Variants in KIF13B observed in about 807,000 individuals in gnomAD.
KIF13B encodes kinesin-like protein KIF13B.
A neutral mutation model predicts 222.0 loss-of-function variants in KIF13B; 127 were observed. That is an observed-to-expected ratio of 0.57 (90% CI 0.50 to 0.66). The LOEUF is 0.66. Ranked by LOEUF, KIF13B falls within the 30% of genes least tolerant of loss-of-function variation. The probability of loss-of-function intolerance (pLI) is 0.00; values close to 1 mark genes in which losing one functional copy is unlikely to be tolerated. For missense variants in KIF13B, 2,173 were observed against 2,379.0 expected, an observed-to-expected ratio of 0.91 and a Z score of 1.80; for synonymous variants, 976 against 919.0, an observed-to-expected ratio of 1.06 and a Z score of -1.12.
chr8:29,070,345 A>G lies in KIF13B; in HGVS notation c.*159T>C, dbSNP rs973963127. The stretch of plus-strand genomic sequence containing the variant: ...CGGGTACAGAAGAAACAAAGCTTCC[A>G]GAGGCCCAGGGAGGTCACCAGCCCT... On this transcript the variant is annotated 3_prime_UTR_variant, in exon 40 of 40. Coordinates refer to ENST00000524189, the MANE Select transcript of KIF13B (RefSeq NM_015254.4). This position sits in a 1 kb window ranked among gnomAD's most constrained non-coding sequence, Gnocchi z 4.1. 2.7e-6 allele frequency: 2 copies of G among 731,542 alleles called. No homozygotes were observed. The highest frequency in any genetic ancestry group is 4.4e-6 in the Non-Finnish European group (2 of 456,566). 45.3% of individuals were successfully genotyped at this position (731,542 alleles called of 1,614,324 possible). A position where few individuals can be genotyped will look rare whatever the true frequency, so the allele number is the denominator to read the frequency against.
chr8:29,250,231 A>G (rs1816221597), intron 1 of KIF13B: 2 of 344,862 alleles, frequency 5.8e-6, no homozygotes, highest in African/African-American at 4.3e-5. Context: ...ATACATCTAG[A>G]ACGCAGGCCT....
At chr8:29,175,021 C>A (rs1334286817) in intron 10 of KIF13B, among the ~76,000 whole-genome samples, 2 of 151,918 alleles carry the variant, frequency 1.3e-5, no homozygotes, top group East Asian at 3.9e-4. Context: ...TATTTTCAAC[C>A]CCTAATGCAA....
Position 29,233,513 on chromosome 8 carries a change from G to A in KIF13B, c.149+11833C>T, listed in dbSNP as rs143124610. Reference sequence around the variant, plus strand: ...AAATGTTATAATGTTCTAAAATTGCGGTGAGTACCTCAAACAATTTTAATT... The same window carrying A: ...AAATGTTATAATGTTCTAAAATTGCAGTGAGTACCTCAAACAATTTTAATT... On this transcript the variant is annotated intron_variant, in intron 2 of 39. Coordinates refer to ENST00000524189, the MANE Select transcript of KIF13B (RefSeq NM_015254.4). Among the ~76,000 whole-genome samples, 429 of 152,250 alleles carry A rather than the reference G, an allele frequency of 2.8e-3. 1 individual carries two copies. Among genetic ancestry groups the A allele is most frequent in the African/African-American group, 9.8e-3 (405 of 41,532 alleles).
chr8:29,149,614 A>AT (rs1811211391), intron 15 of KIF13B, among the ~76,000 whole-genome samples: 1 of 152,206 alleles, frequency 6.6e-6, no homozygotes, highest in East Asian at 1.9e-4. Flanking sequence ...GACTCTGGGA[A>AT]GACTTCTCTG....
In KIF13B at chr8:29,092,894, G is replaced by A. The variant is rs763120357; in HGVS notation, c.4325-16C>T. On this transcript the variant is annotated splice_polypyrimidine_tract_variant and intron_variant, in intron 36 of 39. Transcript: ENST00000524189. ...TTACTGAGTCCTGCCCATATTACAG[G>A]GGAAAAAGATAAAACAAATACAATT... 23 of 1,586,536 alleles carry A rather than the reference G, an allele frequency of 1.4e-5. No individual in the cohort carries two copies. In the Admixed American group the frequency reaches 3.8e-4, roughly 26 times the overall value.
intron 2 of KIF13B, among the ~76,000 whole-genome samples, chr8:29,211,311 C>A (rs1814213166): frequency 6.6e-6 from 1 of 152,220 alleles, no homozygotes; most frequent in East Asian, 1.9e-4. Context: ...AGCAAGAAAA[C>A]TGGGCAAAAG....
intron 24 of KIF13B, among the ~76,000 whole-genome samples, chr8:29,128,791 T>C (rs1810224070): frequency 6.6e-6 from 1 of 152,216 alleles, no homozygotes; most frequent in Non-Finnish European, 1.5e-5. Flanking sequence ...TACTGATATT[T>C]GACCATTTAT....
chr8:29,116,272 C>T (rs1292329080), intron 31 of KIF13B, among the ~76,000 whole-genome samples: 1 of 152,142 alleles, frequency 6.6e-6, no homozygotes, highest in Non-Finnish European at 1.5e-5. Flanking sequence ...GTCTGGAACG[C>T]ACCCTGGCAG....
intron 33 of KIF13B, 49 bp downstream of exon 33, chr8:29,109,869 G>A: frequency 6.3e-7 from 1 of 1,584,650 alleles, no homozygotes; most frequent in Non-Finnish European, 8.6e-7. Context: ...CACAGACTCA[G>A]CCTGCATCAG....
At chr8:29,260,532 C>G (rs1178049708) in intron 1 of KIF13B, among the ~76,000 whole-genome samples, 1 of 151,794 alleles carries the variant, frequency 6.6e-6, no homozygotes, top group Admixed American at 6.6e-5. Flanking sequence ...AAGTAATATT[C>G]TTTTCAAAAT....
chr8:29,095,270 G>C (rs1457794988), intron 36 of KIF13B, among the ~76,000 whole-genome samples: 1 of 152,230 alleles, frequency 6.6e-6, no homozygotes, highest in Non-Finnish European at 1.5e-5. Flanking sequence ...CACTGAGTGG[G>C]AGGTGACAAA....
At chr8:29,150,108 G>A (rs1003782880) in intron 15 of KIF13B, among the ~76,000 whole-genome samples, 189 bp downstream of exon 15, 2 of 152,142 alleles carry the variant, frequency 1.3e-5, no homozygotes, top group African/African-American at 4.8e-5. Context: ...TTGTTTATAT[G>A]TCCCTAGGGT....
intron 1 of KIF13B, among the ~76,000 whole-genome samples, chr8:29,247,833 CAAAAAAAAA>C (rs57720312): frequency 1.8e-5 from 1 of 54,414 alleles, no homozygotes; most frequent in African/African-American, 6.1e-5. Context: ...GACCCTGTCT[CAAAAAAAAA>C]AAAAAAAAAA....
At chr8:29,136,527 GAGTTGACAT>G (rs1348898928) in intron 21 of KIF13B, among the ~76,000 whole-genome samples, 1 of 151,990 alleles carries the variant, frequency 6.6e-6, no homozygotes, top group African/African-American at 2.4e-5. Context: ...AGGTTGCAGT[GAGTTGACAT>G]CACGCCATTG....
chr8:29,079,679 T>C (rs912633648), intron 37 of KIF13B, among the ~76,000 whole-genome samples: 9 of 152,216 alleles, frequency 5.9e-5, no homozygotes, highest in African/African-American at 9.7e-5. Flanking sequence ...TTCCCTAACA[T>C]TGAATTTTCT....
At chr8:29,208,708 G>A (rs1316687090) in intron 2 of KIF13B, among the ~76,000 whole-genome samples, 1 of 152,182 alleles carries the variant, frequency 6.6e-6, no homozygotes, top group East Asian at 1.9e-4. Flanking sequence ...TGGCCCATGA[G>A]GGTGGGACCT....
chr8:29,105,791 T>C (rs1809039147), intron 35 of KIF13B, among the ~76,000 whole-genome samples: 1 of 151,130 alleles, frequency 6.6e-6, no homozygotes, highest in South Asian at 2.1e-4. Flanking sequence ...TCCGAGTAGC[T>C]GGGATTACAG....
At chr8:29,099,521 C>T (rs1051139007) in intron 35 of KIF13B, among the ~76,000 whole-genome samples, 1 of 152,116 alleles carries the variant, frequency 6.6e-6, no homozygotes, top group African/African-American at 2.4e-5. Context: ...ACTGCAGCTA[C>T]ATGCCACCAC....
chr8:29,248,917 T>C (rs550106624), intron 1 of KIF13B, among the ~76,000 whole-genome samples: 4 of 152,300 alleles, frequency 2.6e-5, no homozygotes, highest in South Asian at 2.1e-4. Flanking sequence ...TCAGGGCTGA[T>C]GAAAATGTTC....
Sources: gnomAD v4.1 joint callset for allele counts (sites outside exome capture counted in the v4.1 genomes callset) on GRCh38, gnomAD v4.1.1 for gene constraint, Gnocchi (gnomAD v3.1) non-coding constraint, MANE v1.5 for transcripts, NCBI Gene and HGNC (gene_info 2026-07-23, HGNC 2026-07-21) for gene names.